CBFA2T2: variants seen among roughly 807,000 people sequenced by gnomAD.
CBFA2T2 encodes CBFA2/RUNX1 partner transcriptional co-repressor 2, also known as protein CBFA2T2.
Under a neutral mutation model 62.2 loss-of-function variants are expected in CBFA2T2, and 11 were observed. The observed-to-expected ratio is 0.18, with a 90% CI of 0.11 to 0.29. CBFA2T2 has a LOEUF of 0.29. CBFA2T2 is among the 10% of genes least tolerant of loss of function. The pLI is 1.00. For missense variants in CBFA2T2, 592 were observed against 774.1 expected, an observed-to-expected ratio of 0.76 and a Z score of 2.79; for synonymous variants, 295 against 287.5, an observed-to-expected ratio of 1.03 and a Z score of -0.27.
At chr20:33,577,783 C>T (rs983268592) in intron 1 of CBFA2T2, among the ~76,000 whole-genome samples, 2 of 152,098 alleles carry the variant, frequency 1.3e-5, no homozygotes, top group African/African-American at 4.8e-5. Flanking sequence ...TTCTCTGAGC[C>T]TTAGCTTCTG....
In CBFA2T2 at chr20:33,491,170, T is replaced by C. The variant is rs556063345; in HGVS notation, c.34+869T>C. ...ATAAAATTTTAATTGTTTTTCATTA[T>C]TGTAATTATAATAGCCAACATTTTT... On this transcript the variant is annotated intron_variant, in intron 1 of 10. Coordinates refer to ENST00000342704, the MANE Select transcript of CBFA2T2 (RefSeq NM_001032999.3). Among the ~76,000 whole-genome samples, 3 of 152,334 alleles carry C rather than the reference T, an allele frequency of 2.0e-5. No individual in the cohort carries two copies. The South Asian group carries it at 6.2e-4, about 32-fold the overall frequency.
chr20:33,635,233 A>AG (rs1401103645), intron 8 of CBFA2T2, among the ~76,000 whole-genome samples: 1 of 152,246 alleles, frequency 6.6e-6, no homozygotes, highest in Admixed American at 6.5e-5. Context: ...ATACTTAACC[A>AG]AAACAATTAA....
intron 3 of CBFA2T2, among the ~76,000 whole-genome samples, chr20:33,618,705 G>A (rs1490083480): frequency 2.0e-5 from 3 of 152,108 alleles, no homozygotes; most frequent in Non-Finnish European, 4.4e-5. Flanking sequence ...CAGGAGGTAG[G>A]GGGCAGAACT....
intron 1 of CBFA2T2, among the ~76,000 whole-genome samples, chr20:33,553,830 A>G (rs2012810377): frequency 6.6e-6 from 1 of 152,154 alleles, no homozygotes; most frequent in African/African-American, 2.4e-5. Context: ...TTATTTTTGT[A>G]TGGTAGATGT....
At chr20:33,563,664 C>T (rs2013175523) in intron 1 of CBFA2T2, among the ~76,000 whole-genome samples, 1 of 152,168 alleles carries the variant, frequency 6.6e-6, no homozygotes, top group Non-Finnish European at 1.5e-5. Context: ...CCACTGTTCT[C>T]TTTGAATCTC....
At chr20:33,492,015 T>TG (rs1189425919) in intron 1 of CBFA2T2, among the ~76,000 whole-genome samples, 1 of 151,998 alleles carries the variant, frequency 6.6e-6, no homozygotes, top group African/African-American at 2.4e-5. Context: ...CCAGAGTAGC[T>TG]GCGATTACAG....
intron 1 of CBFA2T2, among the ~76,000 whole-genome samples, chr20:33,523,800 T>C (rs1351375702): frequency 6.6e-6 from 1 of 152,202 alleles, no homozygotes; most frequent in African/African-American, 2.4e-5. Flanking sequence ...TTCTCCTGCC[T>C]CAGCCTCCCG....
intron 9 of CBFA2T2, among the ~76,000 whole-genome samples, chr20:33,639,989 A>T (rs570700233): frequency 6.4e-4 from 98 of 152,284 alleles, no homozygotes; most frequent in Non-Finnish European, 1.3e-3. Context: ...ACATGTCTTG[A>T]TTCTCCCCTG....
At chr20:33,629,645 C>G in intron 7 of CBFA2T2, 74 bp from the exon 8 acceptor site, 1 of 1,323,448 alleles carries the variant, frequency 7.6e-7, no homozygotes. Context: ...CCTCATATTG[C>G]GTTGGCCTGA....
intron 1 of CBFA2T2, among the ~76,000 whole-genome samples, chr20:33,575,658 G>A (rs535295965): frequency 3.3e-5 from 5 of 152,038 alleles, no homozygotes; most frequent in Middle Eastern, 3.4e-3. Flanking sequence ...CCAAATTATC[G>A]GGTGTTATAC....
chr20:33,619,400 C>T, intron 3 of CBFA2T2, 117 bp from the exon 4 acceptor site: 3 of 549,822 alleles, frequency 5.5e-6, no homozygotes, highest in Non-Finnish European at 5.9e-6. Flanking sequence ...GAGCAAGACT[C>T]CATCTCAAAT....
intron 1 of CBFA2T2, among the ~76,000 whole-genome samples, chr20:33,566,688 G>A (rs550743675): frequency 2.7e-4 from 41 of 152,226 alleles, no homozygotes; most frequent in African/African-American, 5.8e-4. Flanking sequence ...AAAGGAGGTC[G>A]CGTTTGATCA....
intron 1 of CBFA2T2, among the ~76,000 whole-genome samples, chr20:33,572,484 C>T (rs1235573615): frequency 6.6e-6 from 1 of 151,846 alleles, no homozygotes; most frequent in Non-Finnish European, 1.5e-5. Flanking sequence ...AGTACTGAGC[C>T]CATTAACAAA....
intron 3 of CBFA2T2, among the ~76,000 whole-genome samples, chr20:33,616,118 T>C (rs1242528907): frequency 6.7e-6 from 1 of 148,830 alleles, no homozygotes; most frequent in Admixed American, 7.4e-5. Flanking sequence ...GATAGATAGA[T>C]AGATAGATAG....
Position 33,640,457 on chromosome 20 carries a change from A to G in CBFA2T2, c.1414A>G (p.Thr472Ala), listed in dbSNP as rs755852685. 7 of 1,614,270 alleles carry G rather than the reference A, an allele frequency of 4.3e-6. No individual in the cohort carries two copies. The South Asian group carries it at 7.7e-5, about 18-fold the overall frequency. Residue 472 changes from threonine to alanine, a missense_variant, in exon 10 of 11, where the codon ACC becomes GCC. This residue lies in a region of CBFA2T2 where 58 missense variants were observed against 123.9 expected (regional missense o/e 0.47). Transcript: ENST00000342704. ...AACAGAGAGAGCACGAATGGAGCAA[A>G]CCATAGCGGATGTCAAGCGGCAGGC... ...IATERARMEQ[T>A]IADVKRQAAE...
intron 1 of CBFA2T2, chr20:33,574,120 G>T: frequency 6.3e-7 from 1 of 1,577,324 alleles, no homozygotes; most frequent in Non-Finnish European, 8.7e-7. Context: ...GATTGAGGAT[G>T]GTAGTTTTTG....
chr20:33,513,073 G>C (rs1428988169), intron 1 of CBFA2T2, among the ~76,000 whole-genome samples: 3 of 151,946 alleles, frequency 2.0e-5, no homozygotes, highest in Non-Finnish European at 4.4e-5. Flanking sequence ...TCTTTTTGTT[G>C]GGTGTATGCC....
At chr20:33,579,884 G>A (rs1483259050) in intron 1 of CBFA2T2, among the ~76,000 whole-genome samples, 1 of 150,420 alleles carries the variant, frequency 6.6e-6, no homozygotes, top group South Asian at 2.1e-4. Flanking sequence ...GCACGGTCTC[G>A]GCTCACCGCA....
chr20:33,591,852 G>A (rs932808469), intron 1 of CBFA2T2, among the ~76,000 whole-genome samples: 1 of 150,470 alleles, frequency 6.6e-6, no homozygotes. Context: ...CCCAATTGTG[G>A]CGGGGTGGGA....
Sources: gnomAD v4.1 joint callset for allele counts (sites outside exome capture counted in the v4.1 genomes callset) on GRCh38, gnomAD v4.1.1 for gene constraint, gnomAD v4.1.1 regional missense constraint, MANE v1.5 for transcripts, NCBI Gene and HGNC (gene_info 2026-07-23, HGNC 2026-07-21) for gene names.